Variants in XKR5 observed in about 807,000 individuals in gnomAD.
XKR5 encodes XK related 5.
XKR5 carries 46 observed loss-of-function variants against 40.8 expected under a neutral mutation model. The observed-to-expected ratio is 1.13, with a 90% CI of 0.89 to 1.44. The LOEUF (loss-of-function observed/expected upper bound fraction) is 1.44. XKR5 is among the 40% of genes most tolerant of loss of function. The pLI is 0.00. For synonymous variants in XKR5, 466 were observed against 356.1 expected (o/e 1.31, Z -3.48); for missense variants, 1,169 against 844.7 (o/e 1.38, Z -4.76).
At chr8:6,830,119 G>C (rs993542225) in intron 2 of XKR5, among the ~76,000 whole-genome samples, 18 of 152,158 alleles carry the variant, frequency 1.2e-4, no homozygotes, top group African/African-American at 4.1e-4. Context: ...TTACAGGCGT[G>C]AGCCACCGCG....
intron 2 of XKR5, among the ~76,000 whole-genome samples, chr8:6,826,055 T>C (rs1804461387): frequency 6.6e-6 from 1 of 152,084 alleles, no homozygotes. Context: ...ATGAGATGAA[T>C]GTGTATGGAT....
At chr8:6,821,632 C>T (rs554971844) in intron 5 of XKR5, among the ~76,000 whole-genome samples, 1 of 152,192 alleles carries the variant, frequency 6.6e-6, no homozygotes, top group Admixed American at 6.5e-5. Context: ...AAATATGCCT[C>T]AGTTGTTGCC....
At chr8:6,822,457 C>G (rs1311294286) in intron 4 of XKR5, among the ~76,000 whole-genome samples, 1 of 151,940 alleles carries the variant, frequency 6.6e-6, no homozygotes, top group Admixed American at 6.6e-5. Flanking sequence ...ATTTTTATGC[C>G]CATATTTTAA....
At position 6,833,510 on chromosome 8, in the gene XKR5, T is replaced by C. The variant is rs182609427; in HGVS notation, c.59-610A>G. Among the ~76,000 whole-genome samples, 35 of 152,302 alleles carry C rather than the reference T, an allele frequency of 2.3e-4. No individual in the cohort carries two copies. The East Asian group carries it at 6.6e-3, about 29-fold the overall frequency. ...CTTTGGGAGGCCGAGGTGGGCAGAT[T>C]GCTCGACGTCAGGAGTTCAAGACCA... On this transcript the variant is annotated intron_variant, in intron 1 of 6. Transcript: ENST00000618742.
chr8:6,823,623 G>T lies in XKR5; in HGVS notation c.535C>A (p.Leu179Ile). Residue 179 changes from leucine (L) to isoleucine (I), a missense_variant, in exon 4 of 7, where the codon CTC becomes ATC. Transcript: ENST00000618742. ...PGHLAMPWAA[L>I]FCQQLWRMGM... Reference sequence around the variant, plus strand: ...ATCCTCCAGAGCTGCTGGCAGAAGAGGGCGGCCCATGGCATGGCCAGGTGG... The same window carrying T: ...ATCCTCCAGAGCTGCTGGCAGAAGATGGCGGCCCATGGCATGGCCAGGTGG... 1 of 1,594,282 alleles carries T rather than the reference G, an allele frequency of 6.3e-7. No homozygotes were observed. Among genetic ancestry groups the T allele is most frequent in the Non-Finnish European group, 8.5e-7 (1 of 1,170,622 alleles).
In XKR5 at chr8:6,811,805, G is replaced by C. The variant is rs961373680; in HGVS notation, c.1454C>G (p.Ser485Ter). The stretch of plus-strand genomic sequence containing the variant: ...ATCGCTGGCAAAAGATACGTAACTT[G>C]AGGTTTCCAATGGGTCGGCCTCTGC... ...PKAEADPLETSSYVSFASDQQ... is the reference protein window; with the variant it reads ...PKAEADPLET Residue 485 changes from serine to a stop codon, truncating the protein, a stop_gained, in exon 7 of 7, where the codon TCA becomes TGA. Transcript: ENST00000618742. LOFTEE classifies it low-confidence loss of function (END_TRUNC). 3.6e-5 allele frequency: 55 copies of C among 1,537,534 alleles called. No individual in the cohort carries two copies. The Admixed American group carries it at 9.8e-4, about 27-fold the overall frequency.
rs1359917611 is a variant in XKR5 at position 6,809,920 on chromosome 8, G to A, written c.*1278C>T. The A allele has an allele frequency of 6.6e-6, 1 of 152,278 alleles. No individual in the cohort carries two copies. Among genetic ancestry groups the A allele is most frequent in the Non-Finnish European group, 1.5e-5 (1 of 68,122 alleles). 9.4% of individuals were successfully genotyped at this position (152,278 alleles called of 1,614,324 possible). A position where few individuals can be genotyped will look rare whatever the true frequency, so the allele number is the denominator to read the frequency against. On this transcript the variant is annotated 3_prime_UTR_variant, in exon 7 of 7. Transcript: ENST00000618742. ...GAGCTCAGGAGTTGGAGACCAGCCT[G>A]AGCCACCTGGCAAGAACCTGTCTCT...
chr8:6,820,986 T>A (rs1405094069), intron 5 of XKR5, among the ~76,000 whole-genome samples: 1 of 152,190 alleles, frequency 6.6e-6, no homozygotes, highest in Non-Finnish European at 1.5e-5. Context: ...TGTATATTAT[T>A]TTATTTGGTC....
intron 1 of XKR5, among the ~76,000 whole-genome samples, chr8:6,833,193 C>A (rs115223042): frequency 3.3e-5 from 5 of 152,214 alleles, no homozygotes; most frequent in Non-Finnish European, 5.9e-5. Context: ...CATCCCAGGG[C>A]CCAGTGCCAG....
At chr8:6,820,069 G>T (rs1804163874) in intron 5 of XKR5, among the ~76,000 whole-genome samples, 2 of 152,210 alleles carry the variant, frequency 1.3e-5, no homozygotes, top group East Asian at 1.9e-4. Context: ...GCAAAAACTG[G>T]GTGTGGGGGC....
At chr8:6,826,354 G>C (rs1804477358) in intron 2 of XKR5, among the ~76,000 whole-genome samples, 1 of 152,016 alleles carries the variant, frequency 6.6e-6, no homozygotes, top group Non-Finnish European at 1.5e-5. Context: ...CACGCATGTA[G>C]TGTGGGTGTA....
Position 6,811,086 on chromosome 8 carries a change from T to C in XKR5, c.*112A>G. The C allele has an allele frequency of 2.8e-6, 3 of 1,066,262 alleles. No homozygotes were observed. The highest frequency in any genetic ancestry group is 2.6e-6 in the Non-Finnish European group (2 of 762,604). 66.1% of individuals were successfully genotyped at this position (1,066,262 alleles called of 1,614,324 possible). ...AGGGATGCAGATGGAGATTCAGAGGTGACAGTGATGTGCCCAAGGACACAG... is the reference window on the plus strand; with the variant it reads ...AGGGATGCAGATGGAGATTCAGAGGCGACAGTGATGTGCCCAAGGACACAG... On this transcript the variant is annotated 3_prime_UTR_variant, in exon 7 of 7. Transcript: ENST00000618742.
rs181542566 is a variant in XKR5 at position 6,820,529 on chromosome 8, C to T, written c.807+1340G>A. On this transcript the variant is annotated intron_variant, in intron 5 of 6. Coordinates refer to ENST00000618742, the MANE Select transcript of XKR5 (RefSeq NM_207411.5). ...TCCTGCTTATCTGGGCATTGGCAGG[C>T]GGGGTGTCCACCTATGAATAAGCCA... Among the ~76,000 whole-genome samples the T allele has an allele frequency of 4.9e-3, 747 of 152,276 alleles. 3 individuals carry two copies. Among genetic ancestry groups the T allele is most frequent in the African/African-American group, 0.017 (691 of 41,544 alleles).
chr8:6,834,155 T>C (rs977306912), intron 1 of XKR5, among the ~76,000 whole-genome samples: 1 of 152,188 alleles, frequency 6.6e-6, no homozygotes, highest in African/African-American at 2.4e-5. Context: ...CTGAGGCTGA[T>C]CTTGGAGGCG....
chr8:6,812,413 G>C (rs969784419), intron 6 of XKR5, 74 bp from the exon 7 acceptor site: 6 of 1,428,374 alleles, frequency 4.2e-6, no homozygotes, highest in Non-Finnish European at 5.6e-6. Flanking sequence ...GCAGTTTCAG[G>C]TTCTGGCCCT....
intron 4 of XKR5, among the ~76,000 whole-genome samples, chr8:6,822,817 A>C (rs1804300084): frequency 6.6e-6 from 1 of 152,110 alleles, no homozygotes; most frequent in African/African-American, 2.4e-5. Flanking sequence ...GGGAGGAGGG[A>C]GGGCTTGGAT....
rs1803930868 is a variant in XKR5, at chr8:6,815,837, T to G, written c.889A>C (p.Ile297Leu). 6.2e-7 allele frequency: 1 copy of G among 1,605,074 alleles called. No homozygotes were observed. Among genetic ancestry groups the G allele is most frequent in the Admixed American group, 1.7e-5 (1 of 58,906 alleles). Residue 297 changes from isoleucine to leucine, a missense_variant, in exon 6 of 7, where the codon ATA becomes CTA. Ile to Leu is a conservative substitution (Grantham distance 5). Transcript: ENST00000618742. ...AGAAATCCAGACAGGACCCCAGCTA[T>G]GGTCTGCAGGCTGGTCCACGATGCC... is the stretch of plus-strand genomic sequence containing the variant. ...QGASWTSLQTIAGVLSGFLIG... is the reference protein window; with the variant it reads ...QGASWTSLQTLAGVLSGFLIG...
chr8:6,812,459 G>A, intron 6 of XKR5, 120 bp from the exon 7 acceptor site: 1 of 1,066,788 alleles, frequency 9.4e-7, no homozygotes, highest in Non-Finnish European at 1.3e-6. Context: ...ATCCAAAATA[G>A]GACTCTTGTT....
intron 2 of XKR5, among the ~76,000 whole-genome samples, chr8:6,828,147 C>T (rs749237235): frequency 1.3e-5 from 2 of 152,226 alleles, no homozygotes; most frequent in Non-Finnish European, 2.9e-5. Context: ...AGAAAACATA[C>T]AAATGCGAAA....
Sources: allele counts gnomAD v4.1 joint callset (sites outside exome capture counted in the v4.1 genomes callset), GRCh38; gene constraint gnomAD v4.1.1; transcripts MANE v1.5; gene names NCBI Gene and HGNC (gene_info 2026-07-23, HGNC 2026-07-21).